NDUFAF2: variants seen among roughly 807,000 people sequenced by gnomAD.
The protein encoded by NDUFAF2 is NADH dehydrogenase [ubiquinone] 1 alpha subcomplex assembly factor 2.
A neutral mutation model predicts 22.8 loss-of-function variants in NDUFAF2; 13 were observed. The ratio of observed to expected loss-of-function variants is 0.57; its 90% CI spans 0.37 to 0.91. NDUFAF2 has a LOEUF of 0.91. Ranked by LOEUF, NDUFAF2 falls within the 40% of genes least tolerant of loss-of-function variation. The pLI, the probability that NDUFAF2 is intolerant of heterozygous loss-of-function variation, is 0.01. For missense variants in NDUFAF2, 162 were observed against 195.2 expected (o/e 0.83, Z 1.01); for synonymous variants, 53 against 64.2 (o/e 0.83, Z 0.84).
chr5:61,067,838 T>G (rs1190416614), intron 1 of NDUFAF2, among the ~76,000 whole-genome samples: 1 of 152,134 alleles, frequency 6.6e-6, no homozygotes, highest in Non-Finnish European at 1.5e-5. Flanking sequence ...CCTGACTTTT[T>G]AATGATTGCC....
chr5:61,056,920 ATATATATAT>A (rs1430424386), intron 1 of NDUFAF2, among the ~76,000 whole-genome samples: 127 of 12,686 alleles, frequency 0.01, 2 homozygotes, highest in African/African-American at 0.033. Context: ...AAAAAAAAAA[ATATATATAT>A]ATATATATAT....
intron 3 of NDUFAF2, among the ~76,000 whole-genome samples, chr5:61,104,550 T>TA (rs780965525): frequency 6.6e-6 from 1 of 151,990 alleles, no homozygotes. Flanking sequence ...TGCTGCGGTC[T>TA]AAAAAAAGGT....
chr5:60,989,638 C>T (rs1282988428), intron 1 of NDUFAF2, among the ~76,000 whole-genome samples: 1 of 152,124 alleles, frequency 6.6e-6, no homozygotes, highest in Non-Finnish European at 1.5e-5. Context: ...AGCAAACTAG[C>T]ACAGGAACAG....
chr5:61,026,371 G>T lies in NDUFAF2; in HGVS notation c.128-46754G>T, dbSNP rs115528576. On this transcript the variant is annotated intron_variant, in intron 1 of 3. Transcript: ENST00000296597. ...TAAAGAAAAATATAGACAGCCAGAG[G>T]GAAGGACTTCTCAGTTTAATTGATT... Among the ~76,000 whole-genome samples, 367 of 152,062 alleles carry T rather than the reference G, an allele frequency of 2.4e-3. 2 individuals are homozygous for T. The highest frequency in any genetic ancestry group is 8.5e-3 in the African/African-American group (354 of 41,510).
chr5:60,991,360 T>G (rs1294503657), intron 1 of NDUFAF2, among the ~76,000 whole-genome samples: 1 of 151,928 alleles, frequency 6.6e-6, no homozygotes, highest in Non-Finnish European at 1.5e-5. Flanking sequence ...TAAAAATTAT[T>G]ATTGACTATA....
intron 3 of NDUFAF2, among the ~76,000 whole-genome samples, chr5:61,135,236 A>G (rs988529225): frequency 6.6e-6 from 1 of 152,042 alleles, no homozygotes; most frequent in Non-Finnish European, 1.5e-5. Flanking sequence ...CAGACTATGA[A>G]CTTTTTACCA....
intron 3 of NDUFAF2, among the ~76,000 whole-genome samples, chr5:61,148,799 T>G (rs1741185301): frequency 6.6e-6 from 1 of 152,192 alleles, no homozygotes; most frequent in South Asian, 2.1e-4. Context: ...GTATAAATAT[T>G]TATACTTACA....
At position 61,022,105 on chromosome 5, in the gene NDUFAF2, C is replaced by T. The variant is rs76059340; in HGVS notation, c.128-51020C>T. Among the ~76,000 whole-genome samples, 1,141 of 152,272 alleles carry T rather than the reference C, an allele frequency of 7.5e-3. 14 individuals are homozygous for T. The highest frequency in any genetic ancestry group is 0.026 in the African/African-American group (1,061 of 41,542). ...AGTCTACTAATTAAAATGTCAACCT[C>T]ATCTAGAAAACAACTTTACAGAAAC... On this transcript the variant is annotated intron_variant, in intron 1 of 3. Coordinates refer to ENST00000296597, the MANE Select transcript of NDUFAF2 (RefSeq NM_174889.5).
chr5:61,134,262 A>C (rs1234492387), intron 3 of NDUFAF2, among the ~76,000 whole-genome samples: 1 of 36,898 alleles, frequency 2.7e-5, no homozygotes, highest in Non-Finnish European at 7.3e-5. Context: ...GGATAAACAG[A>C]AAATTAATAA....
intron 1 of NDUFAF2, among the ~76,000 whole-genome samples, chr5:60,955,094 T>C (rs1750598181): frequency 6.6e-6 from 1 of 152,234 alleles, no homozygotes. Flanking sequence ...TATCTATTTT[T>C]GCTTTTGTTG....
intron 2 of NDUFAF2, among the ~76,000 whole-genome samples, chr5:61,096,192 C>A (rs905600568): frequency 1.3e-5 from 2 of 152,070 alleles, no homozygotes; most frequent in Admixed American, 1.3e-4. Context: ...TCTTTTATAG[C>A]ATTTAAAAGA....
At chr5:61,024,680 A>G (rs1751628045) in intron 1 of NDUFAF2, among the ~76,000 whole-genome samples, 1 of 152,060 alleles carries the variant, frequency 6.6e-6, no homozygotes, top group Non-Finnish European at 1.5e-5. Flanking sequence ...TGTATTCTTA[A>G]TCATTATACT....
intron 1 of NDUFAF2, 24 bp from the exon 2 acceptor site, chr5:61,073,101 G>A (rs746975445): frequency 7.0e-7 from 1 of 1,434,356 alleles, no homozygotes; most frequent in South Asian, 1.1e-5. Flanking sequence ...ATTTAAAAAT[G>A]TATTAATGAC....
chr5:60,962,580 C>T (rs1159435965), intron 1 of NDUFAF2, among the ~76,000 whole-genome samples: 1 of 152,086 alleles, frequency 6.6e-6, no homozygotes, highest in African/African-American at 2.4e-5. Flanking sequence ...CGCCTGTAAT[C>T]CCAACACTTT....
intron 3 of NDUFAF2, among the ~76,000 whole-genome samples, chr5:61,128,274 C>T (rs952201036): frequency 6.7e-6 from 1 of 150,128 alleles, no homozygotes; most frequent in African/African-American, 2.5e-5. Flanking sequence ...CAATGACTTT[C>T]TTCACAGAAT....
At chr5:61,013,754 G>A (rs1751471553) in intron 1 of NDUFAF2, among the ~76,000 whole-genome samples, 1 of 150,542 alleles carries the variant, frequency 6.6e-6, no homozygotes, top group Non-Finnish European at 1.5e-5. Context: ...GAAAAAGAAT[G>A]TGTGATAATA....
intron 3 of NDUFAF2, among the ~76,000 whole-genome samples, chr5:61,101,192 G>A (rs1179846758): frequency 6.6e-6 from 1 of 152,008 alleles, no homozygotes; most frequent in East Asian, 1.9e-4. Flanking sequence ...AGCTTATTTA[G>A]TTATTAAGCT....
intron 3 of NDUFAF2, among the ~76,000 whole-genome samples, chr5:61,108,962 T>C (rs1197190890): frequency 4.6e-5 from 7 of 152,170 alleles, no homozygotes; most frequent in Non-Finnish European, 1.5e-5. Flanking sequence ...GGTTCCATAA[T>C]AATTTTAGAA....
At chr5:61,105,648 G>T in intron 3 of NDUFAF2, among the ~76,000 whole-genome samples, 1 of 143,224 alleles carries the variant, frequency 7.0e-6, no homozygotes, top group African/African-American at 2.6e-5. Context: ...AAAAAAAGCA[G>T]CTACAGAAGA....
Sources: allele counts gnomAD v4.1 joint callset (sites outside exome capture counted in the v4.1 genomes callset), GRCh38; gene constraint gnomAD v4.1.1; transcripts MANE v1.5; gene names NCBI Gene and HGNC (gene_info 2026-07-23, HGNC 2026-07-21).